DCC: variants seen among roughly 807,000 people sequenced by gnomAD.
The protein encoded by DCC is netrin receptor DCC.
In DCC, 58 loss-of-function variants were observed where a neutral mutation model predicts 172.5. That is an observed-to-expected ratio of 0.34 (90% confidence interval 0.27 to 0.42). The LOEUF (loss-of-function observed/expected upper bound fraction) is 0.42. Ranked by LOEUF, DCC falls within the 10% of genes least tolerant of loss-of-function variation. The pLI is 1.00. For synonymous variants in DCC, 709 were observed against 644.5 expected, an observed-to-expected ratio of 1.10 and a Z score of -1.52; for missense variants, 1,740 against 1,791.0, an observed-to-expected ratio of 0.97 and a Z score of 0.51.
At chr18:52,626,598 A>G (rs150295782) in intron 1 of DCC, among the ~76,000 whole-genome samples, 1 of 152,300 alleles carries the variant, frequency 6.6e-6, no homozygotes, top group East Asian at 1.9e-4. Context: ...AAAGTCTCCA[A>G]GTCCCTATAG....
At chr18:52,943,396 T>C (rs2040493064) in intron 5 of DCC, among the ~76,000 whole-genome samples, 1 of 152,228 alleles carries the variant, frequency 6.6e-6, no homozygotes, top group South Asian at 2.1e-4. Flanking sequence ...CATGTCCATA[T>C]AAGCATGTTA....
At chr18:52,859,743 G>C (rs992839319) in intron 2 of DCC, among the ~76,000 whole-genome samples, 2 of 152,072 alleles carry the variant, frequency 1.3e-5, no homozygotes, top group African/African-American at 4.8e-5. Flanking sequence ...CTGTTTGCAG[G>C]CCCTCTGAAC....
intron 1 of DCC, among the ~76,000 whole-genome samples, chr18:52,746,025 C>T (rs2036900640): frequency 6.6e-6 from 1 of 152,098 alleles, no homozygotes; most frequent in South Asian, 2.1e-4. Context: ...ATTGCATGGC[C>T]TCATAAGTAT....
At chr18:53,329,689 T>C (rs1568060343) in intron 14 of DCC, among the ~76,000 whole-genome samples, 3 of 152,322 alleles carry the variant, frequency 2.0e-5, no homozygotes, top group South Asian at 4.1e-4. Context: ...TGAATAATTT[T>C]AGACAATTCT....
chr18:52,799,024 C>T (rs2037931406), intron 2 of DCC, among the ~76,000 whole-genome samples: 1 of 152,198 alleles, frequency 6.6e-6, no homozygotes, highest in South Asian at 2.1e-4. Context: ...GCTGGGATTA[C>T]AGGCGTGAGC....
intron 2 of DCC, among the ~76,000 whole-genome samples, chr18:52,790,912 G>A (rs1460168788): frequency 1.3e-5 from 2 of 152,156 alleles, no homozygotes; most frequent in Non-Finnish European, 2.9e-5. Flanking sequence ...TAGAAAATTG[G>A]CCTAAGTCTC....
intron 19 of DCC, among the ~76,000 whole-genome samples, chr18:53,404,419 A>G (rs1252712060): frequency 3.3e-5 from 3 of 90,934 alleles, no homozygotes; most frequent in Admixed American, 1.2e-4. Flanking sequence ...AAAAAAATAG[A>G]AGTCTAGCCC....
At chr18:52,646,873 G>A (rs1484294888) in intron 1 of DCC, among the ~76,000 whole-genome samples, 2 of 152,172 alleles carry the variant, frequency 1.3e-5, no homozygotes, top group Non-Finnish European at 2.9e-5. Flanking sequence ...ACTGGGTGGA[G>A]CTGAAAGTTC....
chr18:52,925,238 A>G lies in DCC; in HGVS notation c.853A>G (p.Lys285Glu), dbSNP rs769163874. Residue 285 changes from lysine to glutamate, a missense_variant, in exon 5 of 29, where the codon AAA becomes GAA. This residue lies in a region of DCC where 1,732 missense variants were observed against 1,767.4 expected (regional missense o/e 0.98). Coordinates refer to ENST00000442544, the MANE Select transcript of DCC (RefSeq NM_005215.4). ...CACCTTCCCTATGTCTTGCAGGTCTAAAAAGTATTCTTTATTGGGTGGAAG... is the reference window on the plus strand; with the variant it reads ...CACCTTCCCTATGTCTTGCAGGTCTGAAAAGTATTCTTTATTGGGTGGAAG... ...RGEEVIQLRS[K>E]KYSLLGGSNL... The G allele has an allele frequency of 5.0e-6, 8 of 1,611,962 alleles. No individual in the cohort carries two copies.
At chr18:52,908,320 A>T (rs1327244024) in intron 3 of DCC, among the ~76,000 whole-genome samples, 1 of 152,212 alleles carries the variant, frequency 6.6e-6, no homozygotes, top group Non-Finnish European at 1.5e-5. Flanking sequence ...ATCAATAACC[A>T]TTGGTAACAC....
rs1194647809 is a variant in DCC at position 53,421,600 on chromosome 18, T to C, written c.3163+5444T>C. Among the ~76,000 whole-genome samples, 4 of 152,202 alleles carry C rather than the reference T, an allele frequency of 2.6e-5. No individual in the cohort carries two copies. In the East Asian group the frequency reaches 5.8e-4, roughly 22 times the overall value. ...GGCTGATAATGGTCTAGCTTTTCAT[T>C]TGGAAGTCACTCAGTGTGTGCTATA... is the stretch of plus-strand genomic sequence containing the variant. On this transcript the variant is annotated intron_variant, in intron 21 of 28. Coordinates refer to ENST00000442544, the MANE Select transcript of DCC (RefSeq NM_005215.4).
At chr18:52,798,300 C>T (rs961845132) in intron 2 of DCC, among the ~76,000 whole-genome samples, 2 of 152,146 alleles carry the variant, frequency 1.3e-5, no homozygotes, top group Non-Finnish European at 2.9e-5. Flanking sequence ...AAAACATTTC[C>T]TTACTGAGTG....
intron 12 of DCC, among the ~76,000 whole-genome samples, chr18:53,259,287 T>C (rs1244225709): frequency 6.6e-6 from 1 of 152,222 alleles, no homozygotes; most frequent in Non-Finnish European, 1.5e-5. Flanking sequence ...CATTAGTTGA[T>C]GCCGTTTCTT....
At chr18:52,911,094 T>A (rs1460661303) in intron 3 of DCC, among the ~76,000 whole-genome samples, 4 of 152,134 alleles carry the variant, frequency 2.6e-5, no homozygotes. Flanking sequence ...CTATTTTCTA[T>A]GTTTTCTATA....
intron 24 of DCC, among the ~76,000 whole-genome samples, chr18:53,460,070 A>G (rs2045533506): frequency 6.7e-6 from 1 of 150,294 alleles, no homozygotes; most frequent in African/African-American, 2.4e-5. Flanking sequence ...AAAAAAAAAA[A>G]AAAAAGCCTA....
At chr18:53,078,598 A>C (rs1326398138) in intron 7 of DCC, among the ~76,000 whole-genome samples, 5 of 151,984 alleles carry the variant, frequency 3.3e-5, no homozygotes, top group Admixed American at 3.3e-4. Flanking sequence ...TAGGTTAAAA[A>C]AAAGAGAAAT....
chr18:53,118,198 T>G (rs4429362), intron 7 of DCC, among the ~76,000 whole-genome samples: 4,088 of 151,910 alleles, frequency 0.027, 188 homozygotes, highest in African/African-American at 0.093. Flanking sequence ...ATTTTTGCAG[T>G]GACATGATTA....
chr18:53,495,402 A>AG (rs2046008842), intron 26 of DCC, among the ~76,000 whole-genome samples: 1 of 151,052 alleles, frequency 6.6e-6, no homozygotes, highest in Non-Finnish European at 1.5e-5. Context: ...AAAAAAAAAA[A>AG]AAAAGAAAGA....
In DCC at chr18:52,623,408, C is replaced by T. The variant is rs560639900; in HGVS notation, c.92-128646C>T. On this transcript the variant is annotated intron_variant, in intron 1 of 28. Transcript: ENST00000442544. The stretch of plus-strand genomic sequence containing the variant: ...ATGCATTCTCTTCAAAGATGTGCAG[C>T]TGGAAGAGGCAGGAGCTTGGCATTT... Among the ~76,000 whole-genome samples the T allele has an allele frequency of 5.3e-5, 8 of 152,304 alleles. No homozygotes were observed. In the East Asian group the frequency reaches 1.5e-3, roughly 29 times the overall value.
Sources: gnomAD v4.1 joint callset for allele counts (sites outside exome capture counted in the v4.1 genomes callset) on GRCh38, gnomAD v4.1.1 for gene constraint, gnomAD v4.1.1 regional missense constraint, MANE v1.5 for transcripts, NCBI Gene and HGNC (gene_info 2026-07-23, HGNC 2026-07-21) for gene names.